SVOPL: variants seen among roughly 807,000 people sequenced by gnomAD.
The protein encoded by SVOPL is SVOP like.
SVOPL carries 60 observed loss-of-function variants against 61.0 expected under a neutral mutation model. That is an observed-to-expected ratio of 0.98 (90% CI 0.80 to 1.22). SVOPL has a LOEUF of 1.22. Among genes scored for constraint, SVOPL ranks in the 50% most tolerant of loss-of-function variants. The pLI, the probability that SVOPL is intolerant of heterozygous loss-of-function variation, is 0.00. For synonymous variants in SVOPL, 279 were observed against 250.0 expected (o/e 1.12, Z -1.09); for missense variants, 662 against 643.9 (o/e 1.03, Z -0.30).
At chr7:138,663,223 G>C (rs1268738445) in intron 4 of SVOPL, 78 bp from the exon 5 acceptor site, 12 of 1,559,840 alleles carry the variant, frequency 7.7e-6, no homozygotes, top group Non-Finnish European at 6.1e-6. Context: ...ATTTTCACTA[G>C]AAGTAGGCTG....
chr7:138,680,603 G>C (rs1352579712), intron 1 of SVOPL, among the ~76,000 whole-genome samples: 1 of 151,780 alleles, frequency 6.6e-6, no homozygotes, highest in African/African-American at 2.4e-5. Context: ...GTGTGAGACG[G>C]AGTCTTGCTC....
intron 5 of SVOPL, chr7:138,662,595 CT>C: frequency 1.0e-6 from 1 of 987,222 alleles, no homozygotes; most frequent in Non-Finnish European, 1.2e-6. Flanking sequence ...GCTAAGGGGC[CT>C]TTTCCATTCC....
intron 1 of SVOPL, among the ~76,000 whole-genome samples, chr7:138,683,234 T>C (rs1802736544): frequency 2.6e-5 from 4 of 152,112 alleles, no homozygotes; most frequent in Admixed American, 2.6e-4. Context: ...GCAGCATGTA[T>C]AGGAATTACA....
intron 14 of SVOPL, among the ~76,000 whole-genome samples, chr7:138,597,559 T>C (rs925976262): frequency 8.5e-6 from 1 of 117,876 alleles, no homozygotes; most frequent in Non-Finnish European, 1.7e-5. Flanking sequence ...GCAATTGACC[T>C]AGCAAGTGAC....
chr7:138,637,536 A>G (rs1013279413), intron 9 of SVOPL, among the ~76,000 whole-genome samples: 6 of 143,952 alleles, frequency 4.2e-5, no homozygotes, highest in African/African-American at 1.3e-4. Context: ...ACACCTACAT[A>G]CATACACACA....
In SVOPL at chr7:138,628,265, A is replaced by T. The variant is rs780126595; in HGVS notation, c.962T>A (p.Val321Glu). Residue 321 changes from valine (V) to glutamate (E), a missense_variant, in exon 11 of 16, where the codon GTG becomes GAG. By Grantham distance (121) the Val-to-Glu change is moderately radical. Transcript: ENST00000674285. Reference sequence around the variant, plus strand: ...CTCCCCTGAGTCCCCCCCAGTCACCACCACCGCAGAGTCTGACTTTGAACC... The same window carrying T: ...CTCCCCTGAGTCCCCCCCAGTCACCTCCACCGCAGAGTCTGACTTTGAACC... ...VCGSKSDSAV[V>E]VTGGDSGESQ... 3 of 1,614,136 alleles carry T rather than the reference A, an allele frequency of 1.9e-6. No individual in the cohort carries two copies. Among genetic ancestry groups the T allele is most frequent in the Non-Finnish European group, 2.5e-6 (3 of 1,180,024 alleles).
At chr7:138,681,501 C>A (rs1180489683) in intron 1 of SVOPL, among the ~76,000 whole-genome samples, 3 of 151,924 alleles carry the variant, frequency 2.0e-5, no homozygotes, top group South Asian at 4.2e-4. Context: ...ATATCAAAGA[C>A]CCCTGGGGTT....
chr7:138,654,271 A>T (rs1801591842), intron 7 of SVOPL, among the ~76,000 whole-genome samples: 1 of 152,228 alleles, frequency 6.6e-6, no homozygotes, highest in South Asian at 2.1e-4. Context: ...GCTAGAAGAG[A>T]ATAATTCATA....
At chr7:138,622,250 C>G (rs796208931) in intron 13 of SVOPL, among the ~76,000 whole-genome samples, 1,868 of 72,666 alleles carry the variant, frequency 0.026, 60 homozygotes, top group Middle Eastern at 0.051. Context: ...ATCTATCTAT[C>G]TATGTATCTA....
intron 9 of SVOPL, among the ~76,000 whole-genome samples, chr7:138,639,355 A>T (rs1044771711): frequency 6.6e-6 from 1 of 151,986 alleles, no homozygotes; most frequent in Non-Finnish European, 1.5e-5. Context: ...GGCTGGGCAC[A>T]GTGGCTCATG....
intron 9 of SVOPL, among the ~76,000 whole-genome samples, chr7:138,638,975 A>C (rs141300195): frequency 0.011 from 1,608 of 152,322 alleles, 30 homozygotes; most frequent in African/African-American, 0.036. Flanking sequence ...ATAACAGGCC[A>C]GGCACAGTGG....
chr7:138,680,598 A>T (rs1327136016), intron 1 of SVOPL, among the ~76,000 whole-genome samples: 1 of 143,184 alleles, frequency 7.0e-6, no homozygotes, highest in East Asian at 2.0e-4. Context: ...TGTGTGTGTG[A>T]GACGGAGTCT....
At position 138,622,312 on chromosome 7, in the gene SVOPL, ATCG is replaced by A. The variant is rs1563096958; in HGVS notation, c.1264-1180_1264-1178del. ...TATCTATCTATCTATCTATCTATCT[ATCG>A]ACAGAGTCTCACTCTTTCGCCCAGG... On this transcript the variant is annotated intron_variant, in intron 13 of 15. Coordinates refer to ENST00000674285, the MANE Select transcript of SVOPL (RefSeq NM_001139456.2). Among the ~76,000 whole-genome samples the A allele has an allele frequency of 7.5e-4, 111 of 148,416 alleles. 1 individual carries two copies. Among genetic ancestry groups the A allele is most frequent in the African/African-American group, 2.5e-3 (103 of 40,430 alleles).
At position 138,663,127 on chromosome 7, in the gene SVOPL, T is replaced by C. The variant is rs781623113; in HGVS notation, c.292A>G (p.Met98Val). 9 of 1,613,990 alleles carry C rather than the reference T, an allele frequency of 5.6e-6. No individual in the cohort carries two copies. Among genetic ancestry groups the C allele is most frequent in the Non-Finnish European group, 7.6e-6 (9 of 1,180,004 alleles). ...AGGCCAAAGAGGATACTGAAAACCA[T>C]GTAGCCAAAAAACACCATCTGCAAG... ...LVTTMVFFGYMVFSILFGLLA... is the reference protein window; with the variant it reads ...LVTTMVFFGYVVFSILFGLLA... Residue 98 changes from methionine (M) to valine (V), a missense_variant, in exon 5 of 16, where the codon ATG (methionine) becomes GTG (valine). Transcript: ENST00000674285.
intron 3 of SVOPL, among the ~76,000 whole-genome samples, chr7:138,675,796 A>C (rs1802545664): frequency 6.6e-6 from 1 of 151,836 alleles, no homozygotes; most frequent in Admixed American, 6.6e-5. Context: ...TTGATTTTCC[A>C]TTCTGTCTGA....
At chr7:138,652,209 A>T (rs147460004) in intron 7 of SVOPL, among the ~76,000 whole-genome samples, 2,722 of 152,048 alleles carry the variant, frequency 0.018, 70 homozygotes, top group African/African-American at 0.063. Context: ...CTGGCACCAC[A>T]CCAAGCTAAT....
intron 1 of SVOPL, among the ~76,000 whole-genome samples, chr7:138,688,275 GTT>G (rs112224103): frequency 6.9e-6 from 1 of 145,924 alleles, no homozygotes; most frequent in African/African-American, 2.5e-5. Flanking sequence ...AAATTTTGGG[GTT>G]TTTTTTTTTG....
At chr7:138,660,932 T>C in intron 5 of SVOPL, 1 of 984,410 alleles carries the variant, frequency 1.0e-6, no homozygotes, top group Non-Finnish European at 1.2e-6. Flanking sequence ...ACATATTTGA[T>C]AAGGAAAAAT....
intron 7 of SVOPL, among the ~76,000 whole-genome samples, chr7:138,649,376 C>T (rs1801307394): frequency 6.6e-6 from 1 of 152,164 alleles, no homozygotes; most frequent in Non-Finnish European, 1.5e-5. Context: ...TCACTGAACC[C>T]TCTGCCTCCT....
Sources: gnomAD v4.1 joint callset for allele counts (sites outside exome capture counted in the v4.1 genomes callset) on GRCh38, gnomAD v4.1.1 for gene constraint, MANE v1.5 for transcripts, NCBI Gene and HGNC (gene_info 2026-07-23, HGNC 2026-07-21) for gene names.